The following SNTG2 variants were observed in gnomAD, a reference collection of about 807,000 sequenced individuals.
SNTG2 encodes gamma-2-syntrophin.
SNTG2 carries 74 observed loss-of-function variants against 70.9 expected under a neutral mutation model. That is an observed-to-expected ratio of 1.04 (90% CI 0.86 to 1.27). The LOEUF (loss-of-function observed/expected upper bound fraction) is 1.27, where lower values mean the gene tolerates loss of function less well. SNTG2 is among the 50% of genes most tolerant of loss of function. The probability of loss-of-function intolerance (pLI) is 0.00; values close to 1 mark genes in which losing one functional copy is unlikely to be tolerated. For missense variants in SNTG2, 717 were observed against 690.7 expected (o/e 1.04, Z -0.43); for synonymous variants, 278 against 273.8 (o/e 1.02, Z -0.15).
chr2:1,185,588 A>G (rs975096702), intron 8 of SNTG2, among the ~76,000 whole-genome samples: 18 of 152,192 alleles, frequency 1.2e-4, no homozygotes, highest in African/African-American at 4.1e-4. Flanking sequence ...CACCACATGG[A>G]AGTCACCAAG....
At chr2:1,010,807 G>A (rs561139422) in intron 1 of SNTG2, among the ~76,000 whole-genome samples, 2 of 152,318 alleles carry the variant, frequency 1.3e-5, no homozygotes, top group Middle Eastern at 3.4e-3. Flanking sequence ...TTGACCCCAG[G>A]CAGGGCCCAA....
chr2:1,008,109 A>T (rs1659624666), intron 1 of SNTG2, among the ~76,000 whole-genome samples: 1 of 152,194 alleles, frequency 6.6e-6, no homozygotes, highest in South Asian at 2.1e-4. Flanking sequence ...CTTGGCATTT[A>T]TTTAAAAGGC....
chr2:1,164,789 T>G (rs1192495234), intron 6 of SNTG2, among the ~76,000 whole-genome samples: 45 of 135,268 alleles, frequency 3.3e-4, no homozygotes, highest in Admixed American at 5.1e-4. Context: ...CCCAAACTGT[T>G]GGCAGGCTCT....
At chr2:1,077,451 A>G (rs1344445211) in intron 1 of SNTG2, among the ~76,000 whole-genome samples, 1 of 151,600 alleles carries the variant, frequency 6.6e-6, no homozygotes, top group South Asian at 2.1e-4. Flanking sequence ...TTTATAATTC[A>G]TTTTCTTTTC....
intron 1 of SNTG2, among the ~76,000 whole-genome samples, chr2:1,022,292 G>A (rs1660224338): frequency 6.6e-6 from 1 of 151,738 alleles, no homozygotes; most frequent in African/African-American, 2.4e-5. Flanking sequence ...GTTTTTGTGA[G>A]CCCCTGTGTT....
At chr2:1,161,967 G>A (rs1420946340) in intron 6 of SNTG2, among the ~76,000 whole-genome samples, 3 of 151,696 alleles carry the variant, frequency 2.0e-5, no homozygotes, top group Middle Eastern at 3.2e-3. Context: ...CCAGCTACTT[G>A]GGAGGCTGAG....
At chr2:1,361,368 T>C (rs2148319395) in intron 16 of SNTG2, among the ~76,000 whole-genome samples, 1 of 152,138 alleles carries the variant, frequency 6.6e-6, no homozygotes. Context: ...TCACAGAATT[T>C]TGAAAACCAC....
chr2:1,061,362 G>A (rs752157327), intron 1 of SNTG2, among the ~76,000 whole-genome samples: 1 of 152,166 alleles, frequency 6.6e-6, no homozygotes, highest in African/African-American at 2.4e-5. Flanking sequence ...TGATCAATGG[G>A]GTCACATTTC....
At chr2:1,230,258 T>C (rs926379916) in intron 9 of SNTG2, among the ~76,000 whole-genome samples, 1 of 152,224 alleles carries the variant, frequency 6.6e-6, no homozygotes, top group African/African-American at 2.4e-5. Flanking sequence ...GCTGTTGTGT[T>C]ATGATGACCT....
In SNTG2 at chr2:1,327,949, A is replaced by G. The variant is rs1246672468; in HGVS notation, c.1488+11574A>G. ...AGATATACTTAGTTTATGCTTCTGC[A>G]TGCTGTACAGGAAGGATGATACTGG... On this transcript the variant is annotated intron_variant, in intron 16 of 16. Transcript: ENST00000308624. Among the ~76,000 whole-genome samples, 9 of 152,204 alleles carry G rather than the reference A, an allele frequency of 5.9e-5. No homozygotes were observed. The East Asian group carries it at 1.7e-3, about 29-fold the overall frequency.
intron 1 of SNTG2, among the ~76,000 whole-genome samples, chr2:1,066,528 G>A (rs897350722): frequency 3.3e-5 from 5 of 151,996 alleles, no homozygotes; most frequent in African/African-American, 9.7e-5. Context: ...CAGACCACCG[G>A]ACAGTGACCA....
At position 1,031,420 on chromosome 2, in the gene SNTG2, G is replaced by A. The variant is rs776968859; in HGVS notation, c.73-52098G>A. On this transcript the variant is annotated intron_variant, in intron 1 of 16. Transcript: ENST00000308624. ...AGATGTGCTTTAATTGACATGAATA[G>A]ACTTATAGTCTCATATGGTTTCTCA... Among the ~76,000 whole-genome samples, 76 of 149,444 alleles carry A rather than the reference G, an allele frequency of 5.1e-4. 1 individual carries two copies. Among genetic ancestry groups the A allele is most frequent in the Non-Finnish European group, 1.0e-3 (70 of 67,686 alleles).
At chr2:998,355 T>G (rs1442599856) in intron 1 of SNTG2, among the ~76,000 whole-genome samples, 1 of 151,906 alleles carries the variant, frequency 6.6e-6, no homozygotes, top group African/African-American at 2.4e-5. Flanking sequence ...CTAGAGAAAC[T>G]TGTTGAGTTT....
chr2:1,055,443 C>T (rs1470629408), intron 1 of SNTG2, among the ~76,000 whole-genome samples: 6 of 151,990 alleles, frequency 3.9e-5, no homozygotes. Flanking sequence ...TGTCTGATGA[C>T]CCACACAGAA....
At chr2:1,178,420 T>A (rs1671627836) in intron 8 of SNTG2, among the ~76,000 whole-genome samples, 1 of 152,166 alleles carries the variant, frequency 6.6e-6, no homozygotes, top group Admixed American at 6.5e-5. Context: ...GCCCATTCAG[T>A]ATGATATTGG....
At chr2:1,150,922 G>A (rs1191189813) in intron 6 of SNTG2, among the ~76,000 whole-genome samples, 14 of 139,668 alleles carry the variant, frequency 1.0e-4, no homozygotes, top group Non-Finnish European at 2.1e-4. Context: ...CTGCTGAACC[G>A]AGCTCCAACC....
intron 1 of SNTG2, among the ~76,000 whole-genome samples, chr2:1,079,087 T>C (rs1166585299): frequency 6.6e-6 from 1 of 152,260 alleles, no homozygotes; most frequent in Non-Finnish European, 1.5e-5. Flanking sequence ...AATTAGCTCA[T>C]TAAATACCCA....
At chr2:1,125,395 T>C (rs142044868) in intron 4 of SNTG2, among the ~76,000 whole-genome samples, 136 of 152,296 alleles carry the variant, frequency 8.9e-4, no homozygotes, top group South Asian at 2.7e-3. Flanking sequence ...CCCTTCCTCC[T>C]GTCCTCCTCT....
intron 2 of SNTG2, among the ~76,000 whole-genome samples, chr2:1,084,809 G>A (rs867385887): frequency 1.7e-4 from 26 of 152,294 alleles, no homozygotes; most frequent in South Asian, 8.3e-4. Context: ...CAGAGAGGAC[G>A]ATCACTGTGT....
Sources: allele counts gnomAD v4.1 joint callset (sites outside exome capture counted in the v4.1 genomes callset), GRCh38; gene constraint gnomAD v4.1.1; transcripts MANE v1.5; gene names NCBI Gene and HGNC (gene_info 2026-07-23, HGNC 2026-07-21).